The following ACSM1 variants were observed in gnomAD, a reference collection of about 807,000 sequenced individuals.
The protein encoded by ACSM1 is acyl-coenzyme A synthetase ACSM1, mitochondrial.
ACSM1 carries 79 observed loss-of-function variants against 75.8 expected under a neutral mutation model. The observed-to-expected ratio is 1.04, with a 90% confidence interval of 0.87 to 1.26. The LOEUF is 1.26. Among genes scored for constraint, ACSM1 ranks in the 50% most tolerant of loss-of-function variants. The probability of loss-of-function intolerance (pLI) is 0.00; values close to 1 mark genes in which losing one functional copy is unlikely to be tolerated. For missense variants in ACSM1, 676 were observed against 720.1 expected (o/e 0.94, Z 0.70); for synonymous variants, 279 against 265.8 (o/e 1.05, Z -0.48).
intron 3 of ACSM1, among the ~76,000 whole-genome samples, chr16:20,683,378 T>A (rs1045331535): frequency 6.6e-6 from 1 of 152,056 alleles, no homozygotes; most frequent in African/African-American, 2.4e-5. Context: ...TCTGTCTGCC[T>A]TAGCCTCCCA....
chr16:20,635,637 TTTCTTTCTTTCTTTC>T (rs2017657391), intron 10 of ACSM1, among the ~76,000 whole-genome samples: 1 of 106,174 alleles, frequency 9.4e-6, no homozygotes, highest in African/African-American at 4.0e-5. Flanking sequence ...TCTTTCTTTC[TTTCTTTCTTTCTTTC>T]ATTTTGAGAT....
rs1010192287 is a variant in ACSM1 at position 20,648,893 on chromosome 16, G to A, written c.993-8309C>T. Among the ~76,000 whole-genome samples, 5 of 152,166 alleles carry A rather than the reference G, an allele frequency of 3.3e-5. No homozygotes were observed. The highest frequency in any genetic ancestry group is 1.2e-4 in the African/African-American group (5 of 41,434). On this transcript the variant is annotated intron_variant, in intron 7 of 13. Transcript: ENST00000520010. The surrounding 1 kb of genome is among the most constrained non-coding windows in gnomAD (Gnocchi z 4.2). The stretch of plus-strand genomic sequence containing the variant: ...AATCACCTTGGGCACATGTTCTCAA[G>A]ATCTGCTGAGGCTGTGTCACAGGCA...
chr16:20,624,678 A>T, intron 12 of ACSM1, among the ~76,000 whole-genome samples: 1 of 152,196 alleles, frequency 6.6e-6, no homozygotes. Context: ...AAGGTCTCAC[A>T]TATAGAAGGT....
rs988600076 is a variant in ACSM1, at chr16:20,648,826, T to G, written c.993-8242A>C. Among the ~76,000 whole-genome samples the G allele has an allele frequency of 6.6e-6, 1 of 152,206 alleles. No homozygotes were observed. The highest frequency in any genetic ancestry group is 6.5e-5 in the Admixed American group (1 of 15,272). Reference sequence around the variant, plus strand: ...TATACACCTTACGTGTATTAATTGATGTCTTATGTTTCCCTAAAAATATAA... The same window carrying G: ...TATACACCTTACGTGTATTAATTGAGGTCTTATGTTTCCCTAAAAATATAA... On this transcript the variant is annotated intron_variant, in intron 7 of 13. Coordinates refer to ENST00000520010, the MANE Select transcript of ACSM1 (RefSeq NM_001318890.3). The surrounding 1 kb of genome is among the most constrained non-coding windows in gnomAD (Gnocchi z 4.2).
rs1355907039 is a variant in ACSM1, at chr16:20,663,047, G to A, written c.913-1174C>T. Among the ~76,000 whole-genome samples, 4 of 152,110 alleles carry A rather than the reference G, an allele frequency of 2.6e-5. No homozygotes were observed. In the East Asian group the frequency reaches 7.7e-4, roughly 29 times the overall value. On this transcript the variant is annotated intron_variant, in intron 6 of 13. Transcript: ENST00000520010. ...GTCTTGGAACATGTCCTGGGTCCAG[G>A]GCCTAAACCCCCTTGTGGCCTTTGG... is the stretch of plus-strand genomic sequence containing the variant.
At chr16:20,672,695 A>C (rs2020018377) in intron 4 of ACSM1, among the ~76,000 whole-genome samples, 1 of 122,618 alleles carries the variant, frequency 8.2e-6, no homozygotes, top group Non-Finnish European at 1.6e-5. Flanking sequence ...ATTTATATAT[A>C]AGTATATATA....
In ACSM1 at chr16:20,669,809, G is replaced by A. The variant is rs752570808; in HGVS notation, c.912+18C>T. ...TTTTTCTGGAATTTTGCTGATAGGGGAAGGTGAGTCTTCTTACCTGTATGA... is the reference window on the plus strand; with the variant it reads ...TTTTTCTGGAATTTTGCTGATAGGGAAAGGTGAGTCTTCTTACCTGTATGA... On this transcript the variant is annotated intron_variant, in intron 6 of 13. Transcript: ENST00000520010. 6.2e-7 allele frequency: 1 copy of A among 1,609,544 alleles called. No homozygotes were observed. Among genetic ancestry groups the A allele is most frequent in the Non-Finnish European group, 8.5e-7 (1 of 1,177,934 alleles).
intron 1 of ACSM1, among the ~76,000 whole-genome samples, chr16:20,693,698 C>T (rs1052058036): frequency 6.6e-6 from 1 of 152,130 alleles, no homozygotes; most frequent in Non-Finnish European, 1.5e-5. Flanking sequence ...CAGTTCCTAC[C>T]ACTTTATTTT....
chr16:20,627,012 C>CTGCG (rs2016964406), intron 11 of ACSM1, among the ~76,000 whole-genome samples, 177 bp downstream of exon 11: 1 of 152,036 alleles, frequency 6.6e-6, no homozygotes, highest in Non-Finnish European at 1.5e-5. Context: ...CTTGATTCTT[C>CTGCG]TGCGTGCAGA....
intron 7 of ACSM1, among the ~76,000 whole-genome samples, chr16:20,649,116 C>T (rs1035354379): frequency 2.6e-5 from 4 of 152,116 alleles, no homozygotes; most frequent in South Asian, 2.1e-4. Flanking sequence ...TATAGTGAAC[C>T]TTTAGGGGTC....
At position 20,685,821 on chromosome 16, in the gene ACSM1, AAAAAAAAAAACAAAC is replaced by A. The variant is rs939390465; in HGVS notation, c.193-433_193-419del. On this transcript the variant is annotated intron_variant, in intron 2 of 13. Transcript: ENST00000520010. ...GATGACACAGTGAGACTCCGTCTCA[AAAAAAAAAAACAAAC>A]AAAAAAAAAACAAAAAACTTATAGC... Among the ~76,000 whole-genome samples, 13 of 114,896 alleles carry A rather than the reference AAAAAAAAAAACAAAC, an allele frequency of 1.1e-4. 2 individuals are homozygous for A. The highest frequency in any genetic ancestry group is 4.0e-3 in the Middle Eastern group (1 of 248). 75.4% of individuals were successfully genotyped at this position (114,896 alleles called of 152,430 possible).
intron 2 of ACSM1, among the ~76,000 whole-genome samples, chr16:20,690,118 G>A (rs944522983): frequency 6.6e-6 from 1 of 152,206 alleles, no homozygotes; most frequent in Non-Finnish European, 1.5e-5. Context: ...AGGTGGTGGG[G>A]AGGAAGATGC....
intron 4 of ACSM1, chr16:20,679,737 C>T (rs531583626): frequency 6.6e-6 from 1 of 152,154 alleles, no homozygotes; most frequent in Admixed American, 6.6e-5. Flanking sequence ...TAGGAACCTG[C>T]ACATACAACC....
chr16:20,693,165 G>A (rs1431576799), intron 1 of ACSM1, among the ~76,000 whole-genome samples: 21 of 142,722 alleles, frequency 1.5e-4, no homozygotes, highest in African/African-American at 2.1e-4. Flanking sequence ...GCAAAATTCC[G>A]TCTCAAAAAA....
At chr16:20,666,991 TCC>T (rs892307269) in intron 6 of ACSM1, among the ~76,000 whole-genome samples, 1 of 152,054 alleles carries the variant, frequency 6.6e-6, no homozygotes, top group Non-Finnish European at 1.5e-5. Flanking sequence ...ACTGTAAATA[TCC>T]TAGAAGAAAA....
At chr16:20,650,121 C>T (rs538954079) in intron 7 of ACSM1, among the ~76,000 whole-genome samples, 1 of 152,198 alleles carries the variant, frequency 6.6e-6, no homozygotes, top group Admixed American at 6.5e-5. Context: ...GTTGACAGTC[C>T]TTGATTTATT....
chr16:20,627,824 ATCTCTCTCTCTCTCTC>A (rs68102086), intron 10 of ACSM1, among the ~76,000 whole-genome samples: 10 of 99,178 alleles, frequency 1.0e-4, no homozygotes, highest in African/African-American at 3.3e-4. Context: ...GTGAGACTTC[ATCTCTCTCTCTCTCTC>A]TCTCTCTCTC....
At chr16:20,635,690 A>T (rs1472139772) in intron 10 of ACSM1, among the ~76,000 whole-genome samples, 2 of 147,834 alleles carry the variant, frequency 1.4e-5, no homozygotes, top group Non-Finnish European at 3.0e-5. Flanking sequence ...CACAGGCTGG[A>T]GTGCAGTGGT....
intron 1 of ACSM1, among the ~76,000 whole-genome samples, 189 bp from the exon 2 acceptor site, chr16:20,691,428 G>A (rs185402089): frequency 6.6e-6 from 1 of 152,224 alleles, no homozygotes; most frequent in African/African-American, 2.4e-5. Flanking sequence ...AAAACGCTGG[G>A]GAGGTTATAT....
Sources: allele counts gnomAD v4.1 joint callset (sites outside exome capture counted in the v4.1 genomes callset), GRCh38; gene constraint gnomAD v4.1.1; non-coding constraint Gnocchi (gnomAD v3.1); transcripts MANE v1.5; gene names NCBI Gene and HGNC (gene_info 2026-07-23, HGNC 2026-07-21).